Variants in SPOCK1 observed in about 807,000 individuals in gnomAD.
SPOCK1 encodes SPARC (osteonectin), cwcv and kazal like domains proteoglycan 1.
Under a neutral mutation model 55.3 loss-of-function variants are expected in SPOCK1, and 23 were observed. That is an observed-to-expected ratio of 0.42 (90% CI 0.30 to 0.59). SPOCK1 has a LOEUF of 0.59. Ranked by LOEUF, SPOCK1 falls within the 20% of genes least tolerant of loss-of-function variation. The pLI is 0.22. For synonymous variants in SPOCK1, 226 were observed against 221.0 expected (o/e 1.02, Z -0.20); for missense variants, 499 against 552.5 (o/e 0.90, Z 0.97).
chr5:137,306,434 C>T (rs1177197178), intron 2 of SPOCK1, among the ~76,000 whole-genome samples: 3 of 152,150 alleles, frequency 2.0e-5, no homozygotes, highest in Non-Finnish European at 4.4e-5. Flanking sequence ...ATTCCCTGTG[C>T]TTGAGGGGAG....
intron 5 of SPOCK1, among the ~76,000 whole-genome samples, chr5:137,074,576 A>G (rs1752689174): frequency 6.6e-6 from 1 of 151,982 alleles, no homozygotes; most frequent in Non-Finnish European, 1.5e-5. Context: ...GAGTGCAGTG[A>G]CATGATTTCA....
chr5:137,121,949 A>ATT (rs1333770801), intron 4 of SPOCK1, among the ~76,000 whole-genome samples: 10 of 143,382 alleles, frequency 7.0e-5, no homozygotes, highest in South Asian at 6.3e-4. Context: ...ATTATATATG[A>ATT]TTATATATAT....
At chr5:137,016,701 A>G (rs191379054) in intron 6 of SPOCK1, among the ~76,000 whole-genome samples, 170 of 152,336 alleles carry the variant, frequency 1.1e-3, no homozygotes, top group African/African-American at 3.7e-3. Context: ...GGAAACAAAC[A>G]ACCCAACTTA....
At chr5:137,388,182 T>C (rs1476855297) in intron 2 of SPOCK1, among the ~76,000 whole-genome samples, 2 of 152,210 alleles carry the variant, frequency 1.3e-5, no homozygotes, top group African/African-American at 4.8e-5. Context: ...TCAACAGATA[T>C]GAAGAGTCTG....
intron 2 of SPOCK1, among the ~76,000 whole-genome samples, chr5:137,297,370 T>C (rs978202506): frequency 1.3e-5 from 2 of 152,194 alleles, no homozygotes; most frequent in Admixed American, 6.5e-5. Flanking sequence ...ATGAGAATAT[T>C]TTATGAAATT....
At chr5:137,386,835 G>T (rs1751607895) in intron 2 of SPOCK1, among the ~76,000 whole-genome samples, 1 of 152,082 alleles carries the variant, frequency 6.6e-6, no homozygotes, top group South Asian at 2.1e-4. Flanking sequence ...AAAAATTTCT[G>T]CTGTACAAAA....
intron 2 of SPOCK1, among the ~76,000 whole-genome samples, chr5:137,447,802 T>C (rs541141583): frequency 4.1e-4 from 63 of 152,272 alleles, no homozygotes; most frequent in African/African-American, 1.4e-3. Flanking sequence ...ATAAATTTAA[T>C]CCACCTCTAT....
At chr5:137,093,236 T>TGA in intron 5 of SPOCK1, among the ~76,000 whole-genome samples, 1 of 152,144 alleles carries the variant, frequency 6.6e-6, no homozygotes, top group South Asian at 2.1e-4. Context: ...CTGTGCTCTC[T>TGA]TTGTCTCCCT....
At chr5:137,369,116 T>A (rs964637724) in intron 2 of SPOCK1, among the ~76,000 whole-genome samples, 7 of 152,214 alleles carry the variant, frequency 4.6e-5, no homozygotes, top group Admixed American at 1.3e-4. Context: ...TGGACCCATG[T>A]GGGAAAGAAC....
intron 4 of SPOCK1, among the ~76,000 whole-genome samples, chr5:137,129,609 G>A (rs143834219): frequency 1.8e-4 from 28 of 152,264 alleles, no homozygotes; most frequent in Admixed American, 7.8e-4. Context: ...CTCTGGGTAG[G>A]GGCCACAGGA....
intron 6 of SPOCK1, among the ~76,000 whole-genome samples, chr5:137,012,068 A>T (rs1751360791): frequency 6.6e-6 from 1 of 152,202 alleles, no homozygotes; most frequent in Non-Finnish European, 1.5e-5. Context: ...ACTTTTATCC[A>T]GCTGCCACTG....
At chr5:137,039,754 T>C (rs183696247) in intron 6 of SPOCK1, among the ~76,000 whole-genome samples, 22 of 152,296 alleles carry the variant, frequency 1.4e-4, no homozygotes, top group African/African-American at 5.1e-4. Context: ...AGCCACCACA[T>C]TGGGCAGGTC....
At chr5:137,290,159 A>G (rs1757345932) in intron 2 of SPOCK1, among the ~76,000 whole-genome samples, 3 of 152,244 alleles carry the variant, frequency 2.0e-5, no homozygotes, top group Admixed American at 2.0e-4. Context: ...AATGTTCATA[A>G]GCAGAAATAC....
intron 2 of SPOCK1, among the ~76,000 whole-genome samples, chr5:137,496,179 A>T (rs1287764775): frequency 1.3e-5 from 2 of 152,136 alleles, no homozygotes; most frequent in Non-Finnish European, 2.9e-5. Flanking sequence ...CCCTGCACTC[A>T]CCCCAGAAAT....
At chr5:137,238,572 A>G (rs938715085) in intron 3 of SPOCK1, among the ~76,000 whole-genome samples, 5 of 152,240 alleles carry the variant, frequency 3.3e-5, no homozygotes, top group African/African-American at 7.2e-5. Context: ...TAGAGTTTAC[A>G]CAAGAAAGGC....
intron 2 of SPOCK1, 130 bp from the exon 3 acceptor site, chr5:137,267,185 C>G (rs981541614): frequency 1.0e-5 from 7 of 692,362 alleles, no homozygotes; most frequent in Middle Eastern, 3.8e-4. Flanking sequence ...AAATTTTTCC[C>G]AAAACAGGCA....
chr5:137,142,522 C>T (rs567316499), intron 3 of SPOCK1, among the ~76,000 whole-genome samples: 62 of 152,238 alleles, frequency 4.1e-4, no homozygotes, highest in Non-Finnish European at 7.6e-4. Context: ...ACCCAGGGCC[C>T]GGTCCTAGGG....
chr5:136,990,484 A>G (rs539249742), intron 7 of SPOCK1, among the ~76,000 whole-genome samples: 1 of 152,176 alleles, frequency 6.6e-6, no homozygotes, highest in Non-Finnish European at 1.5e-5. Flanking sequence ...TATTGCTTTA[A>G]AACATAAAAT....
intron 2 of SPOCK1, chr5:137,313,605 C>T (rs1304563236): frequency 5.1e-6 from 2 of 390,828 alleles, no homozygotes; most frequent in African/African-American, 4.4e-5. Flanking sequence ...GCTCCCAGAA[C>T]ATATTGCTAC....
Sources: gnomAD v4.1 joint callset for allele counts (sites outside exome capture counted in the v4.1 genomes callset) on GRCh38, gnomAD v4.1.1 for gene constraint, MANE v1.5 for transcripts, NCBI Gene and HGNC (gene_info 2026-07-23, HGNC 2026-07-21) for gene names.